Variants in STAT4 observed in about 807,000 individuals in gnomAD.
The protein encoded by STAT4 is signal transducer and activator of transcription 4.
Under a neutral mutation model 110.5 loss-of-function variants are expected in STAT4, and 42 were observed. The ratio of observed to expected loss-of-function variants is 0.38; its 90% CI spans 0.30 to 0.49. The LOEUF (loss-of-function observed/expected upper bound fraction) is 0.49. Among genes scored for constraint, STAT4 ranks in the 20% least tolerant of loss-of-function variants. The pLI, the probability that STAT4 is intolerant of heterozygous loss-of-function variation, is 0.95. For synonymous variants in STAT4, 284 were observed against 302.2 expected (o/e 0.94, Z 0.63); for missense variants, 632 against 887.9 (o/e 0.71, Z 3.66).
chr2:191,040,019 GGA>G (rs1696145667), intron 15 of STAT4, among the ~76,000 whole-genome samples: 1 of 152,136 alleles, frequency 6.6e-6, no homozygotes, highest in South Asian at 2.1e-4. Flanking sequence ...AGGTGAGGAA[GGA>G]ATCTATGAAA....
At position 191,104,009 on chromosome 2, in the gene STAT4, AGTAATAG is replaced by A. The variant is rs1229980817; in HGVS notation, c.274-27691_274-27685del. On this transcript the variant is annotated intron_variant, in intron 3 of 23. Coordinates refer to ENST00000392320, the MANE Select transcript of STAT4 (RefSeq NM_003151.4). The surrounding 1 kb of genome is among the most constrained non-coding windows in gnomAD (Gnocchi z 4.3). ...TGAGCAACCAAGGTTTGAGACTATGAGTAATAGGTTGCTAAGTGTTCTAGGTATCAAG... is the reference window on the plus strand; with the variant it reads ...TGAGCAACCAAGGTTTGAGACTATGAGTTGCTAAGTGTTCTAGGTATCAAG... Among the ~76,000 whole-genome samples the A allele has an allele frequency of 2.0e-5, 3 of 152,166 alleles. No individual in the cohort carries two copies. Among genetic ancestry groups the A allele is most frequent in the African/African-American group, 7.2e-5 (3 of 41,454 alleles).
At chr2:191,108,830 T>C (rs112783435) in intron 3 of STAT4, among the ~76,000 whole-genome samples, 2 of 152,338 alleles carry the variant, frequency 1.3e-5, no homozygotes, top group African/African-American at 4.8e-5. Flanking sequence ...TCTAAAACAC[T>C]GTGTACATGC....
chr2:191,031,014 C>T lies in STAT4; in HGVS notation c.2178G>A (p.Ala726=), dbSNP rs139030621. ...DLLPMSPSVY[A]VLRENLSPTT... is the part of the protein sequence containing the mutation. ...TGGGACTCAGGTTTTCTCTCAACAC[C>T]GCATACACACTTGGAGACATGGGAA... Residue 726 remains alanine, a synonymous_variant, in exon 23 of 24, where the codon GCG becomes GCA. Coordinates refer to ENST00000392320, the MANE Select transcript of STAT4 (RefSeq NM_003151.4). This position sits in a 1 kb window ranked among gnomAD's most constrained non-coding sequence, Gnocchi z 4.8. 1.0e-4 allele frequency: 168 copies of T among 1,613,802 alleles called. 1 individual carries two copies. The highest frequency in any genetic ancestry group is 4.9e-4 in the Middle Eastern group (3 of 6,082).
At chr2:191,119,051 C>A (rs1454712367) in intron 3 of STAT4, among the ~76,000 whole-genome samples, 1 of 152,142 alleles carries the variant, frequency 6.6e-6, no homozygotes, top group African/African-American at 2.4e-5. Flanking sequence ...CAGGTTTGAG[C>A]CACGATGCCC....
At chr2:191,048,658 C>A (rs949166465) in intron 14 of STAT4, among the ~76,000 whole-genome samples, 1 of 150,926 alleles carries the variant, frequency 6.6e-6, no homozygotes, top group Non-Finnish European at 1.5e-5. Context: ...TGGTGGCGGG[C>A]GCTTGTAGTC....
chr2:191,086,124 T>C lies in STAT4; in HGVS notation c.274-9799A>G, dbSNP rs572176528. Among the ~76,000 whole-genome samples the C allele has an allele frequency of 1.3e-5, 2 of 152,310 alleles. No homozygotes were observed. The highest frequency in any genetic ancestry group is 2.9e-5 in the Non-Finnish European group (2 of 68,018). On this transcript the variant is annotated intron_variant, in intron 3 of 23. Transcript: ENST00000392320. This position sits in a 1 kb window ranked among gnomAD's most constrained non-coding sequence, Gnocchi z 5.5. ...GACACACTGAAGACACTGGCTATTTTACCAAGTCTTTGGTTGCAACGATAT... is the reference window on the plus strand; with the variant it reads ...GACACACTGAAGACACTGGCTATTTCACCAAGTCTTTGGTTGCAACGATAT...
At chr2:191,038,788 A>G (rs1696111709) in intron 16 of STAT4, among the ~76,000 whole-genome samples, 1 of 152,212 alleles carries the variant, frequency 6.6e-6, no homozygotes, top group Admixed American at 6.5e-5. Context: ...AGATTGATGA[A>G]TATTCTACTT....
chr2:191,120,421 A>T (rs1408061738), intron 3 of STAT4, among the ~76,000 whole-genome samples: 3 of 152,188 alleles, frequency 2.0e-5, no homozygotes, highest in Non-Finnish European at 4.4e-5. Flanking sequence ...AAATAAAAAT[A>T]GAAAAATAAA....
At position 191,037,133 on chromosome 2, in the gene STAT4, A is replaced by G. The variant is rs1267672371; in HGVS notation, c.1435-834T>C. Reference sequence around the variant, plus strand: ...ACAATATTCATCCTAAACAAAACTTATATCATATTATTTAATTGGTTTATC... The same window carrying G: ...ACAATATTCATCCTAAACAAAACTTGTATCATATTATTTAATTGGTTTATC... On this transcript the variant is annotated intron_variant, in intron 16 of 23. Coordinates refer to ENST00000392320, the MANE Select transcript of STAT4 (RefSeq NM_003151.4). The surrounding 1 kb of genome is among the most constrained non-coding windows in gnomAD (Gnocchi z 4.8). 6.6e-6 allele frequency among the ~76,000 whole-genome samples: 1 copy of G among 152,104 alleles called. No individual in the cohort carries two copies. The highest frequency in any genetic ancestry group is 1.5e-5 in the Non-Finnish European group (1 of 68,030).
chr2:191,072,750 C>T lies in STAT4; in HGVS notation c.465+348G>A, dbSNP rs73981224. On this transcript the variant is annotated intron_variant, in intron 5 of 23. Coordinates refer to ENST00000392320, the MANE Select transcript of STAT4 (RefSeq NM_003151.4). ...TTAAATGAGAGATGTGATGTTACTA[C>T]GGATTCTACAGATATTCAAATGACA... Among the ~76,000 whole-genome samples, 987 of 152,170 alleles carry T rather than the reference C, an allele frequency of 6.5e-3. 10 individuals are homozygous for T. Among genetic ancestry groups the T allele is most frequent in the African/African-American group, 0.022 (920 of 41,522 alleles).
At chr2:191,049,790 A>G (rs1172608294) in intron 14 of STAT4, among the ~76,000 whole-genome samples, 1 of 152,228 alleles carries the variant, frequency 6.6e-6, no homozygotes, top group African/African-American at 2.4e-5. Flanking sequence ...GAAGAGAGGA[A>G]TGTAAAATGA....
intron 3 of STAT4, among the ~76,000 whole-genome samples, chr2:191,087,897 T>TA (rs1051229782): frequency 6.0e-4 from 90 of 148,786 alleles, no homozygotes; most frequent in Admixed American, 2.3e-3. Context: ...CTCAACTTGA[T>TA]AAAAAAAAAA....
chr2:191,055,343 C>T (rs917660604), intron 13 of STAT4, among the ~76,000 whole-genome samples: 10 of 148,866 alleles, frequency 6.7e-5, no homozygotes, highest in Admixed American at 2.0e-4. Flanking sequence ...GGACTACAGG[C>T]GCCCACCACC....
rs146383983 is a variant in STAT4, at chr2:191,036,732, G to A, written c.1435-433C>T. ...CACTCCTGCTCTGAAGCTTGCCTTGGTCACTCCTTCTGTCCTATACTCCTC... is the reference window on the plus strand; with the variant it reads ...CACTCCTGCTCTGAAGCTTGCCTTGATCACTCCTTCTGTCCTATACTCCTC... On this transcript the variant is annotated intron_variant, in intron 16 of 23. Coordinates refer to ENST00000392320, the MANE Select transcript of STAT4 (RefSeq NM_003151.4). 7.0e-3 allele frequency among the ~76,000 whole-genome samples: 1,060 copies of A among 152,188 alleles called. 7 individuals carry two copies. The highest frequency in any genetic ancestry group is 0.02 in the Middle Eastern group (6 of 294).
At chr2:191,089,785 G>A (rs558744123) in intron 3 of STAT4, among the ~76,000 whole-genome samples, 1 of 152,308 alleles carries the variant, frequency 6.6e-6, no homozygotes, top group Admixed American at 6.5e-5. Flanking sequence ...ATATTACCAA[G>A]TAAAAGCAGC....
chr2:191,111,311 CA>C (rs1698415467), intron 3 of STAT4, among the ~76,000 whole-genome samples: 1 of 152,052 alleles, frequency 6.6e-6, no homozygotes, highest in Non-Finnish European at 1.5e-5. Context: ...GGAAGACACG[CA>C]TAACAAGTTT....
chr2:191,037,656 T>C lies in STAT4; in HGVS notation c.1435-1357A>G, dbSNP rs533088174. Among the ~76,000 whole-genome samples the C allele has an allele frequency of 1.2e-4, 19 of 152,204 alleles. No homozygotes were observed. The highest frequency in any genetic ancestry group is 1.0e-3 in the South Asian group (5 of 4,826). On this transcript the variant is annotated intron_variant, in intron 16 of 23. Transcript: ENST00000392320. This position sits in a 1 kb window ranked among gnomAD's most constrained non-coding sequence, Gnocchi z 4.8. ...AAGGCCGTTGTGAACAAGAGCTAAA[T>C]TGGGCTTAGATTAATCAAGAAAAAG...
At chr2:191,044,618 G>A (rs994546255) in intron 14 of STAT4, among the ~76,000 whole-genome samples, 4 of 152,178 alleles carry the variant, frequency 2.6e-5, no homozygotes, top group South Asian at 4.1e-4. Context: ...CTAGGATAAC[G>A]GTGAAAGGGA....
intron 16 of STAT4, among the ~76,000 whole-genome samples, chr2:191,038,120 CCTT>C (rs1247992303): frequency 6.6e-6 from 1 of 152,182 alleles, no homozygotes; most frequent in Non-Finnish European, 1.5e-5. Context: ...TCCCATCACT[CCTT>C]CTACTCCCTG....
Sources: gnomAD v4.1 joint callset for allele counts (sites outside exome capture counted in the v4.1 genomes callset) on GRCh38, gnomAD v4.1.1 for gene constraint, Gnocchi (gnomAD v3.1) non-coding constraint, MANE v1.5 for transcripts, NCBI Gene and HGNC (gene_info 2026-07-23, HGNC 2026-07-21) for gene names.